Variants in SMYD3 observed in about 807,000 individuals in gnomAD.
SMYD3 encodes the protein histone-lysine N-methyltransferase SMYD3.
SMYD3 carries 36 observed loss-of-function variants against 57.7 expected under a neutral mutation model. The ratio of observed to expected loss-of-function variants is 0.62; its 90% CI spans 0.48 to 0.82. The LOEUF (loss-of-function observed/expected upper bound fraction) is 0.82, where lower values mean the gene tolerates loss of function less well. SMYD3 is among the 40% of genes least tolerant of loss of function. The pLI is 0.00. For synonymous variants in SMYD3, 211 were observed against 195.0 expected (o/e 1.08, Z -0.68); for missense variants, 515 against 538.8 (o/e 0.96, Z 0.44).
intron 10 of SMYD3, among the ~76,000 whole-genome samples, chr1:245,797,321 T>G (rs1048453935): frequency 6.6e-6 from 1 of 152,092 alleles, no homozygotes; most frequent in African/African-American, 2.4e-5. Flanking sequence ...ATGTGGCATA[T>G]ATACACCATG....
At chr1:246,075,149 T>C (rs1344859266) in intron 5 of SMYD3, among the ~76,000 whole-genome samples, 1 of 152,132 alleles carries the variant, frequency 6.6e-6, no homozygotes, top group Non-Finnish European at 1.5e-5. Context: ...TCAGCTTTCA[T>C]TACTATGCCC....
intron 5 of SMYD3, among the ~76,000 whole-genome samples, chr1:246,179,478 C>G (rs563958673): frequency 1.3e-5 from 2 of 152,124 alleles, no homozygotes; most frequent in South Asian, 4.1e-4. Flanking sequence ...CTCAATTTTG[C>G]CACTCTGAAA....
intron 10 of SMYD3, among the ~76,000 whole-genome samples, chr1:245,817,230 T>TCCATGAC (rs1461622541): frequency 6.9e-6 from 1 of 144,882 alleles, no homozygotes; most frequent in Admixed American, 7.0e-5. Flanking sequence ...CTCAAGTGGG[T>TCCATGAC]CCCTGACCCC....
At chr1:246,063,613 C>T (rs1359155572) in intron 5 of SMYD3, among the ~76,000 whole-genome samples, 1 of 149,006 alleles carries the variant, frequency 6.7e-6, no homozygotes, top group Admixed American at 6.7e-5. Flanking sequence ...TCTCCCCTCC[C>T]TCTCCTTCCC....
intron 5 of SMYD3, among the ~76,000 whole-genome samples, chr1:246,263,990 T>C (rs1427108908): frequency 6.6e-6 from 1 of 152,182 alleles, no homozygotes; most frequent in African/African-American, 2.4e-5. Flanking sequence ...AGCTTTTAAT[T>C]TCTGAGTTCT....
chr1:246,412,275 G>A (rs1481450636), intron 1 of SMYD3, among the ~76,000 whole-genome samples: 1 of 152,204 alleles, frequency 6.6e-6, no homozygotes. Context: ...ACTGAACACA[G>A]GACTGCTGTC....
chr1:246,464,136 CTT>C (rs2067848675), intron 1 of SMYD3, among the ~76,000 whole-genome samples: 2 of 152,140 alleles, frequency 1.3e-5, no homozygotes, highest in South Asian at 4.1e-4. Flanking sequence ...AGAGGGTGCT[CTT>C]TGTTTTCTTT....
At chr1:246,298,311 A>G (rs772245891) in intron 5 of SMYD3, among the ~76,000 whole-genome samples, 16 of 152,098 alleles carry the variant, frequency 1.1e-4, no homozygotes, top group Non-Finnish European at 2.2e-4. Flanking sequence ...AAGAACTACA[A>G]AGGTGGCAAA....
At chr1:245,774,875 A>T (rs2046499878) in intron 10 of SMYD3, among the ~76,000 whole-genome samples, 1 of 151,818 alleles carries the variant, frequency 6.6e-6, no homozygotes. Context: ...GGGTTTTCGT[A>T]TTTTTTTGGT....
At chr1:246,504,146 T>C (rs1196382638) in intron 1 of SMYD3, among the ~76,000 whole-genome samples, 1 of 152,064 alleles carries the variant, frequency 6.6e-6, no homozygotes, top group African/African-American at 2.4e-5. Flanking sequence ...CAAAAACAAG[T>C]ATACAGAACT....
At chr1:246,236,576 G>A (rs2063515796) in intron 5 of SMYD3, among the ~76,000 whole-genome samples, 1 of 152,036 alleles carries the variant, frequency 6.6e-6, no homozygotes, top group African/African-American at 2.4e-5. Context: ...CACCACGCCT[G>A]GTTAATTTTT....
chr1:245,821,419 G>T (rs1226522119), intron 10 of SMYD3, among the ~76,000 whole-genome samples: 1 of 150,420 alleles, frequency 6.6e-6, no homozygotes, highest in Non-Finnish European at 1.5e-5. Flanking sequence ...AGACTTAAAT[G>T]TTAGACCTAA....
intron 5 of SMYD3, among the ~76,000 whole-genome samples, chr1:246,270,336 A>G (rs946177248): frequency 6.6e-6 from 1 of 152,236 alleles, no homozygotes; most frequent in Non-Finnish European, 1.5e-5. Context: ...AAAATTTACT[A>G]TCTTAACCAT....
chr1:246,350,926 G>C (rs912507516), intron 2 of SMYD3, among the ~76,000 whole-genome samples: 13 of 152,180 alleles, frequency 8.5e-5, no homozygotes, highest in Non-Finnish European at 1.5e-4. Context: ...TAGATACAAA[G>C]CTGACTTATC....
At chr1:246,211,411 T>A (rs558131983) in intron 5 of SMYD3, among the ~76,000 whole-genome samples, 116 of 152,188 alleles carry the variant, frequency 7.6e-4, no homozygotes, top group Non-Finnish European at 1.3e-3. Context: ...ACATCTCACA[T>A]CTCTGTTAAA....
At chr1:246,180,720 C>A (rs1260767745) in intron 5 of SMYD3, among the ~76,000 whole-genome samples, 1 of 119,294 alleles carries the variant, frequency 8.4e-6, no homozygotes, top group Non-Finnish European at 1.6e-5. Flanking sequence ...GATCGCACCA[C>A]CACACTCCAA....
intron 5 of SMYD3, among the ~76,000 whole-genome samples, chr1:246,059,160 G>A (rs1050843984): frequency 6.6e-6 from 1 of 152,204 alleles, no homozygotes; most frequent in Non-Finnish European, 1.5e-5. Context: ...AAAGGCGTGA[G>A]CCACCGCACC....
At chr1:245,930,981 G>A (rs9659273) in intron 5 of SMYD3, among the ~76,000 whole-genome samples, 130,422 of 152,176 alleles carry the variant, frequency 0.86, 56,402 homozygotes, top group Middle Eastern at 0.93. Context: ...GAGCAAGTGC[G>A]AAGGCCCTAC....
At position 246,428,831 on chromosome 1, in the gene SMYD3, C is replaced by G. The variant is rs542301239; in HGVS notation, c.165-73737G>C. Among the ~76,000 whole-genome samples the G allele has an allele frequency of 5.8e-5, 7 of 120,592 alleles. No individual in the cohort carries two copies. In the East Asian group the frequency reaches 1.6e-3, roughly 28 times the overall value. 79.1% of individuals were successfully genotyped at this position (120,592 alleles called of 152,430 possible). Reference sequence around the variant, plus strand: ...GCCCATGCTCTTAACCGCCGATGCTCTGCTGCCTCGTGATGGCTTCTCAGG... The same window carrying G: ...GCCCATGCTCTTAACCGCCGATGCTGTGCTGCCTCGTGATGGCTTCTCAGG... On this transcript the variant is annotated intron_variant, in intron 1 of 11. Coordinates refer to ENST00000490107, the MANE Select transcript of SMYD3 (RefSeq NM_001167740.2).
Sources: allele counts gnomAD v4.1 joint callset (sites outside exome capture counted in the v4.1 genomes callset), GRCh38; gene constraint gnomAD v4.1.1; transcripts MANE v1.5; gene names NCBI Gene and HGNC (gene_info 2026-07-23, HGNC 2026-07-21).